The following MARCHF1 variants were observed in gnomAD, a reference collection of about 807,000 sequenced individuals.
MARCHF1 encodes membrane associated ring-CH-type finger 1.
In MARCHF1, 40 loss-of-function variants were observed where a neutral mutation model predicts 54.2. That is an observed-to-expected ratio of 0.74 (90% CI 0.57 to 0.96). The LOEUF (loss-of-function observed/expected upper bound fraction) is 0.96, where lower values mean the gene tolerates loss of function less well. Among genes scored for constraint, MARCHF1 ranks in the 40% least tolerant of loss-of-function variants. MARCHF1 has a pLI of 0.00. For synonymous variants in MARCHF1, 236 were observed against 236.3 expected (o/e 1.00, Z 0.01); for missense variants, 586 against 656.5 (o/e 0.89, Z 1.17).
chr4:163,953,402 G>C (rs146916527), intron 3 of MARCHF1, among the ~76,000 whole-genome samples: 2,221 of 152,184 alleles, frequency 0.015, 29 homozygotes, highest in Non-Finnish European at 0.021. Flanking sequence ...CATTCATGGG[G>C]CTGTCATGAA....
chr4:164,359,827 A>G (rs1406387940), intron 1 of MARCHF1, among the ~76,000 whole-genome samples: 1 of 152,186 alleles, frequency 6.6e-6, no homozygotes, highest in Non-Finnish European at 1.5e-5. Flanking sequence ...TAGGAAAATG[A>G]CAGGCTGTGT....
At chr4:163,824,228 A>G (rs1169754266) in intron 4 of MARCHF1, among the ~76,000 whole-genome samples, 1 of 152,040 alleles carries the variant, frequency 6.6e-6, no homozygotes, top group African/African-American at 2.4e-5. Flanking sequence ...ATGTATATAC[A>G]TAAATTAAAG....
intron 1 of MARCHF1, among the ~76,000 whole-genome samples, chr4:164,351,173 C>T (rs960645900): frequency 4.0e-5 from 6 of 151,740 alleles, no homozygotes; most frequent in Non-Finnish European, 5.9e-5. Context: ...AAGGCGGCAG[C>T]GAGGCTGGGG....
At chr4:163,835,944 C>T (rs756012242) in intron 4 of MARCHF1, among the ~76,000 whole-genome samples, 17 of 152,096 alleles carry the variant, frequency 1.1e-4, no homozygotes, top group Non-Finnish European at 2.4e-4. Context: ...TTCATCTCAG[C>T]TTCTCCAGCT....
intron 1 of MARCHF1, among the ~76,000 whole-genome samples, chr4:164,125,725 G>A (rs745607232): frequency 2.0e-5 from 3 of 152,192 alleles, no homozygotes; most frequent in Non-Finnish European, 4.4e-5. Context: ...CTGCACAGCA[G>A]GAAGTGAGCA....
chr4:164,309,283 T>TGC lies in MARCHF1; in HGVS notation c.-323+74585_-323+74586dup, dbSNP rs1554000355. On this transcript the variant is annotated intron_variant, in intron 1 of 9. Coordinates refer to ENST00000514618, the MANE Select transcript of MARCHF1 (RefSeq NM_001394959.1). ...GTGTGTGTGTGTGTGTGTGTGTGTG[T>TGC]GCGCGTGTGTGTCTGTGTGTTATTG... 5.9e-4 allele frequency among the ~76,000 whole-genome samples: 88 copies of TGC among 149,194 alleles called. No individual in the cohort carries two copies. The East Asian group carries it at 7.9e-3, about 13-fold the overall frequency.
At chr4:164,057,397 T>C (rs1441733851) in intron 2 of MARCHF1, among the ~76,000 whole-genome samples, 2 of 152,224 alleles carry the variant, frequency 1.3e-5, no homozygotes, top group Non-Finnish European at 2.9e-5. Context: ...ACATACTTAA[T>C]TATTTTTCTA....
At chr4:163,642,129 T>A (rs1204944184) in intron 5 of MARCHF1, among the ~76,000 whole-genome samples, 1 of 152,222 alleles carries the variant, frequency 6.6e-6, no homozygotes, top group Non-Finnish European at 1.5e-5. Context: ...GATAAATTAC[T>A]CAACACATTT....
intron 4 of MARCHF1, among the ~76,000 whole-genome samples, chr4:163,824,109 C>CTT (rs1242214946): frequency 6.6e-6 from 1 of 151,864 alleles, no homozygotes; most frequent in Admixed American, 6.6e-5. Flanking sequence ...AAATGATCAA[C>CTT]TTAGACAATT....
intron 2 of MARCHF1, among the ~76,000 whole-genome samples, chr4:163,999,452 A>G (rs1753144030): frequency 6.6e-6 from 1 of 151,602 alleles, no homozygotes; most frequent in Non-Finnish European, 1.5e-5. Context: ...ACTCTACTTA[A>G]GAGTATTCAA....
chr4:164,036,883 T>C (rs949483195), intron 2 of MARCHF1, among the ~76,000 whole-genome samples: 4 of 152,198 alleles, frequency 2.6e-5, no homozygotes, highest in African/African-American at 7.2e-5. Context: ...ATGGTGAATA[T>C]ATGCATACCA....
At chr4:163,891,996 T>C (rs995848074) in intron 3 of MARCHF1, among the ~76,000 whole-genome samples, 6 of 152,102 alleles carry the variant, frequency 3.9e-5, no homozygotes, top group African/African-American at 1.4e-4. Context: ...TCTCAATAGA[T>C]TCAACAGATT....
chr4:164,063,263 G>A (rs767261119), intron 2 of MARCHF1, among the ~76,000 whole-genome samples: 6 of 152,144 alleles, frequency 3.9e-5, no homozygotes, highest in Non-Finnish European at 5.9e-5. Flanking sequence ...GTCCTGGCAC[G>A]GACATCTCTC....
intron 2 of MARCHF1, among the ~76,000 whole-genome samples, chr4:164,095,288 C>G (rs1339553480): frequency 6.6e-6 from 1 of 151,940 alleles, no homozygotes; most frequent in East Asian, 1.9e-4. Context: ...TCAGTTTACT[C>G]ATTGGTAAAA....
chr4:164,254,536 G>A (rs28404791), intron 1 of MARCHF1, among the ~76,000 whole-genome samples: 17,684 of 151,436 alleles, frequency 0.12, 1,618 homozygotes, highest in African/African-American at 0.25. Context: ...ACTCCCATAT[G>A]TATGAAGTTT....
chr4:164,130,823 A>AT (rs767019134), intron 1 of MARCHF1, among the ~76,000 whole-genome samples: 3 of 152,166 alleles, frequency 2.0e-5, no homozygotes, highest in Non-Finnish European at 2.9e-5. Flanking sequence ...TAATACATTG[A>AT]TTGATGTCGT....
At chr4:163,642,769 TA>T (rs1327777777) in intron 5 of MARCHF1, among the ~76,000 whole-genome samples, 1 of 152,146 alleles carries the variant, frequency 6.6e-6, no homozygotes, top group Non-Finnish European at 1.5e-5. Flanking sequence ...ATAATCTTCC[TA>T]AAAACACCTG....
intron 1 of MARCHF1, among the ~76,000 whole-genome samples, chr4:164,342,634 G>T (rs1729963990): frequency 6.6e-6 from 1 of 151,948 alleles, no homozygotes; most frequent in African/African-American, 2.4e-5. Flanking sequence ...CAGGAAGTAA[G>T]ATCACTATCT....
intron 5 of MARCHF1, among the ~76,000 whole-genome samples, chr4:163,616,350 T>A (rs1247953830): frequency 6.6e-6 from 1 of 152,084 alleles, no homozygotes; most frequent in Non-Finnish European, 1.5e-5. Flanking sequence ...TTGCAAACCA[T>A]ACATCCAATG....
Sources: gnomAD v4.1 joint callset for allele counts (sites outside exome capture counted in the v4.1 genomes callset) on GRCh38, gnomAD v4.1.1 for gene constraint, MANE v1.5 for transcripts, NCBI Gene and HGNC (gene_info 2026-07-23, HGNC 2026-07-21) for gene names.